Variants in DNM3 observed in about 807,000 individuals in gnomAD.
DNM3 encodes the protein dynamin-3.
Under a neutral mutation model 101.6 loss-of-function variants are expected in DNM3, and 47 were observed. The ratio of observed to expected loss-of-function variants is 0.46; its 90% CI spans 0.37 to 0.59. DNM3 has a LOEUF of 0.59. Among genes scored for constraint, DNM3 ranks in the 20% least tolerant of loss-of-function variants. DNM3 has a pLI of 0.00. For missense variants in DNM3, 849 were observed against 1,085.7 expected (o/e 0.78, Z 3.06); for synonymous variants, 385 against 387.9 (o/e 0.99, Z 0.09).
At chr1:172,176,709 T>TA (rs774939108) in intron 14 of DNM3, among the ~76,000 whole-genome samples, 2 of 151,806 alleles carry the variant, frequency 1.3e-5, no homozygotes, top group South Asian at 4.1e-4. Context: ...GGCAATTTGT[T>TA]ATGCAGCAAA....
intron 14 of DNM3, among the ~76,000 whole-genome samples, chr1:172,171,399 T>C (rs1363842172): frequency 6.6e-6 from 1 of 151,806 alleles, no homozygotes; most frequent in East Asian, 1.9e-4. Context: ...AGTATATGAA[T>C]AGTTTTTGCA....
At position 171,856,534 on chromosome 1, in the gene DNM3, C is replaced by T. The variant is rs751928446; in HGVS notation, c.161+14717C>T. Among the ~76,000 whole-genome samples, 7 of 152,170 alleles carry T rather than the reference C, an allele frequency of 4.6e-5. No individual in the cohort carries two copies. In the East Asian group the frequency reaches 1.4e-3, roughly 29 times the overall value. On this transcript the variant is annotated intron_variant, in intron 1 of 20. Coordinates refer to ENST00000627582, the MANE Select transcript of DNM3 (RefSeq NM_015569.5). The stretch of plus-strand genomic sequence containing the variant: ...GGGATGTTTTTCCATTTGTTTGTGT[C>T]ATCTCTGATTTCTTTGAGCAGTATT...
At chr1:172,199,724 C>A (rs1221300604) in intron 14 of DNM3, among the ~76,000 whole-genome samples, 2 of 152,048 alleles carry the variant, frequency 1.3e-5, no homozygotes, top group Non-Finnish European at 2.9e-5. Context: ...GGATTGCTAT[C>A]CCTGCTTTTG....
intron 10 of DNM3, among the ~76,000 whole-genome samples, chr1:172,067,806 T>C (rs1244931779): frequency 1.3e-5 from 2 of 152,004 alleles, no homozygotes; most frequent in Non-Finnish European, 2.9e-5. Flanking sequence ...TCCATAGTTT[T>C]GCAAAAAAAA....
intron 14 of DNM3, among the ~76,000 whole-genome samples, chr1:172,159,506 A>G (rs2058467940): frequency 6.6e-6 from 1 of 152,088 alleles, no homozygotes; most frequent in South Asian, 2.1e-4. Context: ...TCAAATGTGA[A>G]TGAGATCCAG....
chr1:172,408,100 T>C lies in DNM3; in HGVS notation c.*259T>C. The stretch of plus-strand genomic sequence containing the variant: ...AGGTTTGTATAGCAGCCCTATACTT[T>C]GGGGATCATTTGCCTACCATGGCAT... On this transcript the variant is annotated 3_prime_UTR_variant, in exon 21 of 21. Coordinates refer to ENST00000627582, the MANE Select transcript of DNM3 (RefSeq NM_015569.5). 1.6e-6 allele frequency: 2 copies of C among 1,252,158 alleles called. No homozygotes were observed. Among genetic ancestry groups the C allele is most frequent in the Non-Finnish European group, 1.0e-6 (1 of 993,120 alleles). 77.6% of individuals were successfully genotyped at this position (1,252,158 alleles called of 1,614,324 possible). A position where few individuals can be genotyped will look rare whatever the true frequency, so the allele number is the denominator to read the frequency against.
At chr1:172,067,807 G>A (rs569108758) in intron 10 of DNM3, among the ~76,000 whole-genome samples, 1 of 151,888 alleles carries the variant, frequency 6.6e-6, no homozygotes, top group Non-Finnish European at 1.5e-5. Context: ...CCATAGTTTT[G>A]CAAAAAAAAT....
At chr1:172,288,092 G>A (rs1055375319) in intron 15 of DNM3, among the ~76,000 whole-genome samples, 5 of 152,168 alleles carry the variant, frequency 3.3e-5, no homozygotes, top group African/African-American at 1.2e-4. Context: ...CACCAGCGCT[G>A]TGCTTAGGTT....
intron 2 of DNM3, among the ~76,000 whole-genome samples, chr1:171,949,719 C>A (rs1466020559): frequency 6.6e-6 from 1 of 151,966 alleles, no homozygotes; most frequent in African/African-American, 2.4e-5. Flanking sequence ...CCTGGCCTCA[C>A]AATGATGTAT....
chr1:172,373,868 A>G (rs1016612231), intron 17 of DNM3, among the ~76,000 whole-genome samples: 2 of 152,138 alleles, frequency 1.3e-5, no homozygotes, highest in African/African-American at 4.8e-5. Context: ...TAGTAGTTAT[A>G]GAACTCTCAG....
At chr1:172,413,135 A>AAT (rs2071302741), downstream of DNM3, among the ~76,000 whole-genome samples, 1 of 152,182 alleles carries the variant, frequency 6.6e-6, no homozygotes, top group Non-Finnish European at 1.5e-5. Context: ...TCTTATAGCA[A>AAT]ATATTTTAGC....
chr1:172,197,716 T>A (rs778545743), intron 14 of DNM3, among the ~76,000 whole-genome samples: 4 of 152,072 alleles, frequency 2.6e-5, no homozygotes, highest in Non-Finnish European at 5.9e-5. Context: ...GTTTTGGCTG[T>A]TGTTGATGTA....
chr1:172,162,899 T>C (rs1172705227), intron 14 of DNM3, among the ~76,000 whole-genome samples: 1 of 152,122 alleles, frequency 6.6e-6, no homozygotes, highest in Non-Finnish European at 1.5e-5. Context: ...ACTTGTGAAA[T>C]CTTTTAAATA....
intron 13 of DNM3, among the ~76,000 whole-genome samples, chr1:172,120,346 A>G (rs894782626): frequency 1.2e-4 from 19 of 152,128 alleles, no homozygotes; most frequent in Non-Finnish European, 7.4e-5. Flanking sequence ...CCCACCCCTC[A>G]TGATTCAATT....
intron 15 of DNM3, among the ~76,000 whole-genome samples, chr1:172,263,365 G>A (rs769526955): frequency 9.9e-5 from 15 of 152,050 alleles, no homozygotes; most frequent in Non-Finnish European, 1.8e-4. Context: ...AGTATCAATT[G>A]GAATGAAATT....
At chr1:172,121,176 A>G (rs1431602456) in intron 13 of DNM3, among the ~76,000 whole-genome samples, 1 of 152,154 alleles carries the variant, frequency 6.6e-6, no homozygotes, top group Non-Finnish European at 1.5e-5. Flanking sequence ...ATTAACTTCA[A>G]AGGAAGCTCT....
At chr1:172,085,661 T>A (rs2053479544) in intron 12 of DNM3, among the ~76,000 whole-genome samples, 3 of 152,170 alleles carry the variant, frequency 2.0e-5, no homozygotes, top group Admixed American at 2.0e-4. Flanking sequence ...TCAGTTCTTG[T>A]TATTTGAGCA....
chr1:172,344,372 A>G (rs889269031), intron 17 of DNM3, among the ~76,000 whole-genome samples: 1 of 152,116 alleles, frequency 6.6e-6, no homozygotes, highest in Non-Finnish European at 1.5e-5. Context: ...TCGTCTTCTT[A>G]TTGAACTAGA....
intron 13 of DNM3, among the ~76,000 whole-genome samples, chr1:172,123,786 C>T (rs2056459778): frequency 6.6e-6 from 1 of 152,186 alleles, no homozygotes; most frequent in Non-Finnish European, 1.5e-5. Context: ...CGGTATTGCT[C>T]CATCTTCTCC....
Sources: allele counts gnomAD v4.1 joint callset (sites outside exome capture counted in the v4.1 genomes callset), GRCh38; gene constraint gnomAD v4.1.1; transcripts MANE v1.5; gene names NCBI Gene and HGNC (gene_info 2026-07-23, HGNC 2026-07-21).